Variants in RNF121 observed in about 807,000 individuals in gnomAD.
RNF121 encodes ring finger protein 121.
RNF121 carries 21 observed loss-of-function variants against 46.5 expected under a neutral mutation model. The observed-to-expected ratio is 0.45, with a 90% confidence interval of 0.32 to 0.65. The LOEUF (loss-of-function observed/expected upper bound fraction) is 0.65. RNF121 is among the 30% of genes least tolerant of loss of function. The pLI is 0.04. For synonymous variants in RNF121, 139 were observed against 144.7 expected, an observed-to-expected ratio of 0.96 and a Z score of 0.28; for missense variants, 346 against 416.0, an observed-to-expected ratio of 0.83 and a Z score of 1.46.
At chr11:71,940,246 A>C (rs1953534252) in intron 1 of RNF121, among the ~76,000 whole-genome samples, 1 of 152,238 alleles carries the variant, frequency 6.6e-6, no homozygotes, top group Non-Finnish European at 1.5e-5. Flanking sequence ...CATTCAGGGA[A>C]TTTACAGTCT....
intron 6 of RNF121, 133 bp downstream of exon 6, chr11:71,990,850 G>A: frequency 9.8e-7 from 1 of 1,020,596 alleles, no homozygotes; most frequent in Non-Finnish European, 1.4e-6. Flanking sequence ...ATGTGCATAT[G>A]CATGGACATT....
chr11:71,986,941 G>A (rs934213270), intron 4 of RNF121, 63 bp from the exon 5 acceptor site: 1 of 939,070 alleles, frequency 1.1e-6, no homozygotes. Flanking sequence ...GGATTCTGGT[G>A]ATCAGGACCA....
At chr11:71,989,074 G>T (rs973551852) in intron 5 of RNF121, among the ~76,000 whole-genome samples, 11 of 141,728 alleles carry the variant, frequency 7.8e-5, no homozygotes, top group African/African-American at 3.3e-4. Context: ...ATGGTTTTTT[G>T]TTTGTTTGTT....
chr11:71,973,658 G>T (rs952242779), intron 3 of RNF121, among the ~76,000 whole-genome samples: 1 of 151,352 alleles, frequency 6.6e-6, no homozygotes, highest in East Asian at 2.0e-4. Flanking sequence ...GTGGTGGCAG[G>T]TGCCTGTAAT....
intron 1 of RNF121, among the ~76,000 whole-genome samples, chr11:71,942,281 T>G (rs896977362): frequency 2.6e-5 from 4 of 152,024 alleles, no homozygotes; most frequent in Admixed American, 2.6e-4. Flanking sequence ...GTGAGCTGAT[T>G]TTCATTTTTT....
chr11:71,994,958 T>G (rs111977319), intron 7 of RNF121, 106 bp downstream of exon 7: 24 of 1,478,300 alleles, frequency 1.6e-5, no homozygotes, highest in African/African-American at 1.5e-4. Flanking sequence ...TCCAGACCCT[T>G]GAGTGTAGGA....
chr11:71,946,867 C>CTTTTTTTTTTTTT, intron 1 of RNF121, among the ~76,000 whole-genome samples: 1 of 98,408 alleles, frequency 1.0e-5, no homozygotes, highest in Non-Finnish European at 1.8e-5. Flanking sequence ...TGCTCTGGCT[C>CTTTTTTTTTTTTT]TTTTTTTTTT....
intron 3 of RNF121, among the ~76,000 whole-genome samples, chr11:71,966,260 C>T (rs962167792): frequency 1.3e-5 from 2 of 152,176 alleles, no homozygotes; most frequent in Non-Finnish European, 2.9e-5. Flanking sequence ...CTCAGGTGAT[C>T]CGCTCACCTT....
chr11:71,938,280 A>G (rs1025132441), intron 1 of RNF121, among the ~76,000 whole-genome samples: 2 of 151,644 alleles, frequency 1.3e-5, no homozygotes, highest in African/African-American at 4.8e-5. Context: ...TGTGCCAGGC[A>G]GTAAAGTAAG....
chr11:71,972,969 G>A (rs1228661582), intron 3 of RNF121, among the ~76,000 whole-genome samples: 7 of 151,418 alleles, frequency 4.6e-5, no homozygotes, highest in Non-Finnish European at 7.4e-5. Context: ...GGCGGATCAC[G>A]TGAGGTCAGG....
At chr11:71,956,312 G>A (rs1953990577) in intron 1 of RNF121, among the ~76,000 whole-genome samples, 1 of 152,172 alleles carries the variant, frequency 6.6e-6, no homozygotes. Flanking sequence ...TATGTACTGA[G>A]ACTTGGGTAT....
At chr11:71,958,835 A>C (rs932256561) in intron 2 of RNF121, among the ~76,000 whole-genome samples, 9 of 152,234 alleles carry the variant, frequency 5.9e-5, no homozygotes, top group African/African-American at 1.7e-4. Context: ...TGATTTTTGC[A>C]TTGGGTGGGA....
chr11:71,960,931 T>C, intron 3 of RNF121, 40 bp downstream of exon 3: 1 of 1,603,300 alleles, frequency 6.2e-7, no homozygotes, highest in Non-Finnish European at 8.5e-7. Flanking sequence ...CTGTCAGTCA[T>C]CAAGAGACCC....
At chr11:71,968,142 A>G (rs532190468) in intron 3 of RNF121, among the ~76,000 whole-genome samples, 29 of 151,804 alleles carry the variant, frequency 1.9e-4, no homozygotes, top group African/African-American at 6.8e-4. Context: ...GCTCACTGCA[A>G]CCTCTGCCCC....
At chr11:71,946,420 G>T (rs1210217384) in intron 1 of RNF121, among the ~76,000 whole-genome samples, 1 of 152,124 alleles carries the variant, frequency 6.6e-6, no homozygotes, top group African/African-American at 2.4e-5. Context: ...TTGAGATAAG[G>T]TCTTGCCGTG....
intron 1 of RNF121, among the ~76,000 whole-genome samples, chr11:71,944,147 C>T (rs997343751): frequency 5.3e-5 from 8 of 152,068 alleles, no homozygotes; most frequent in African/African-American, 1.7e-4. Flanking sequence ...GCTTGGGCAA[C>T]ATGATGAAAC....
chr11:71,939,702 CAA>C (rs1953517744), intron 1 of RNF121, among the ~76,000 whole-genome samples: 1 of 152,202 alleles, frequency 6.6e-6, no homozygotes, highest in Non-Finnish European at 1.5e-5. Context: ...CATGGTGATA[CAA>C]CCTCATGTCT....
rs2134228155 is a variant in RNF121 at position 71,997,074 on chromosome 11, G to A, written c.*759G>A. 1 of 152,426 alleles carries A rather than the reference G, an allele frequency of 6.6e-6. No homozygotes were observed. The highest frequency in any genetic ancestry group is 2.1e-4 in the South Asian group (1 of 4,834). The allele number at this position is 152,426 out of a possible 1,614,324, so 9.4% of individuals were successfully genotyped here. A position where few individuals can be genotyped will look rare whatever the true frequency, so the allele number is the denominator to read the frequency against. The stretch of plus-strand genomic sequence containing the variant: ...CATATAGTTGGGCCATGGGGCAATT[G>A]TTGGCAGCCATGACTGACGGCCCCT... On this transcript the variant is annotated 3_prime_UTR_variant, in exon 9 of 9. Transcript: ENST00000361756.
chr11:71,973,380 A>T (rs1434868149), intron 3 of RNF121, among the ~76,000 whole-genome samples: 1 of 152,142 alleles, frequency 6.6e-6, no homozygotes, highest in East Asian at 1.9e-4. Flanking sequence ...AGTCCCAGCT[A>T]CTTAGGAGGT....
Sources: allele counts gnomAD v4.1 joint callset (sites outside exome capture counted in the v4.1 genomes callset), GRCh38; gene constraint gnomAD v4.1.1; transcripts MANE v1.5; gene names NCBI Gene and HGNC (gene_info 2026-07-23, HGNC 2026-07-21).